CASD1: variants seen among roughly 807,000 people sequenced by gnomAD.
The protein encoded by CASD1 is N-acetylneuraminate (7)9-O-acetyltransferase.
A neutral mutation model predicts 100.0 loss-of-function variants in CASD1; 41 were observed. That is an observed-to-expected ratio of 0.41 (90% CI 0.32 to 0.53). The LOEUF (loss-of-function observed/expected upper bound fraction) is 0.53, where lower values mean the gene tolerates loss of function less well. Ranked by LOEUF, CASD1 falls within the 20% of genes least tolerant of loss-of-function variation. The probability of loss-of-function intolerance (pLI) is 0.25; values close to 1 mark genes in which losing one functional copy is unlikely to be tolerated. For missense variants in CASD1, 774 were observed against 948.7 expected (o/e 0.82, Z 2.42); for synonymous variants, 321 against 315.6 (o/e 1.02, Z -0.18).
At chr7:94,549,451 GA>G (rs1795839740) in intron 13 of CASD1, 81 bp from the exon 14 acceptor site, 1 of 958,298 alleles carries the variant, frequency 1.0e-6, no homozygotes, top group African/African-American at 1.7e-5. Context: ...CCAAACTTCA[GA>G]AAACTATAAT....
At chr7:94,569,205 T>C in the CASD1 span, among the ~76,000 whole-genome samples, 2 of 151,970 alleles carry the variant, frequency 1.3e-5, no homozygotes, top group East Asian at 1.9e-4. Context: ...TGGTAACTTA[T>C]ACTCATATTG....
At chr7:94,586,059 A>G in the CASD1 span, among the ~76,000 whole-genome samples, 1 of 119,386 alleles carries the variant, frequency 8.4e-6, no homozygotes, top group Non-Finnish European at 1.8e-5. Context: ...AAGGAACTAA[A>G]TGAAAAAAAA....
chr7:94,558,289 A>G (rs1796274034), downstream of CASD1, among the ~76,000 whole-genome samples: 1 of 152,206 alleles, frequency 6.6e-6, no homozygotes, highest in Non-Finnish European at 1.5e-5. Flanking sequence ...CATCCTGGAT[A>G]TAGTCATTGA....
At chr7:94,538,796 CTT>C (rs1229549690) in intron 9 of CASD1, among the ~76,000 whole-genome samples, 169 bp from the exon 10 acceptor site, 5 of 152,118 alleles carry the variant, frequency 3.3e-5, no homozygotes, top group African/African-American at 1.2e-4. Context: ...TTTATACTAT[CTT>C]TTAGCAAGAA....
chr7:94,623,832 C>G, the CASD1 span: 1 of 361,686 alleles, frequency 2.8e-6, no homozygotes, highest in Non-Finnish European at 4.9e-6. Context: ...TGTTTTTTTG[C>G]ATTTAGTACT....
At chr7:94,511,118 C>A (rs992737786) in intron 1 of CASD1, among the ~76,000 whole-genome samples, 1 of 152,126 alleles carries the variant, frequency 6.6e-6, no homozygotes, top group African/African-American at 2.4e-5. Context: ...AAAAATGTCA[C>A]TGGGAGAGAG....
intron 8 of CASD1, among the ~76,000 whole-genome samples, chr7:94,536,080 T>C (rs1163127510): frequency 6.6e-6 from 1 of 152,026 alleles, no homozygotes; most frequent in East Asian, 1.9e-4. Context: ...CCATCTCTAC[T>C]AAAAATACAA....
At chr7:94,619,440 A>G in the CASD1 span, 1 of 152,718 alleles carries the variant, frequency 6.5e-6, no homozygotes, top group Admixed American at 6.5e-5. Flanking sequence ...ACATTGTTGG[A>G]GATTTAGTGT....
At chr7:94,603,457 A>G in the CASD1 span, 3 of 1,612,308 alleles carry the variant, frequency 1.9e-6, no homozygotes, top group Non-Finnish European at 2.5e-6. Context: ...TAAACGCTGT[A>G]AAAATGTGAA....
chr7:94,582,910 G>A, the CASD1 span, among the ~76,000 whole-genome samples: 1 of 152,146 alleles, frequency 6.6e-6, no homozygotes, highest in Non-Finnish European at 1.5e-5. Context: ...AACATATTAG[G>A]CATTCAGTAA....
At chr7:94,530,013 G>T (rs1465532921) in intron 5 of CASD1, among the ~76,000 whole-genome samples, 2 of 152,136 alleles carry the variant, frequency 1.3e-5, no homozygotes, top group African/African-American at 4.8e-5. Context: ...CACTAAGCTA[G>T]ACACTGTTGA....
the CASD1 span, chr7:94,617,381 A>G: frequency 6.6e-6 from 1 of 152,286 alleles, no homozygotes; most frequent in South Asian, 2.1e-4. Context: ...AAACTCTACC[A>G]ATGCCTTGTT....
In CASD1 at chr7:94,535,472, C is replaced by A; in HGVS notation, c.792C>A (p.Thr264=). 6.2e-7 allele frequency: 1 copy of A among 1,613,612 alleles called. No individual in the cohort carries two copies. The highest frequency in any genetic ancestry group is 8.5e-7 in the Non-Finnish European group (1 of 1,179,794). The change falls in exon 8 of 18, where the codon ACC becomes ACA. Residue 264 remains threonine, a synonymous_variant. Coordinates refer to ENST00000297273, the MANE Select transcript of CASD1 (RefSeq NM_022900.5). ...TTTCCAAATTAATTGCTCAAGAAAC[C>A]ATCATGGAATCTTTGGATGGCTTAC... ...FSVSKLIAQE[T]IMESLDGLHL...
At chr7:94,600,778 T>A in the CASD1 span, 48 of 1,613,516 alleles carry the variant, frequency 3.0e-5, 1 homozygote, top group African/African-American at 4.0e-4. Flanking sequence ...AGAAGGGGGT[T>A]TGTATTCTCC....
chr7:94,572,091 C>T, the CASD1 span, among the ~76,000 whole-genome samples: 8 of 152,064 alleles, frequency 5.3e-5, no homozygotes, highest in African/African-American at 1.7e-4. Flanking sequence ...ATGGGATGCC[C>T]TTAACATTTT....
chr7:94,553,790 A>ATAAATAAC (rs1240665612), intron 16 of CASD1: 2 of 149,370 alleles, frequency 1.3e-5, no homozygotes, highest in Admixed American at 1.3e-4. Context: ...TAGAACTTAA[A>ATAAATAAC]TAAATAAATA....
At chr7:94,513,825 G>A (rs1244113233) in intron 1 of CASD1, among the ~76,000 whole-genome samples, 2 of 152,068 alleles carry the variant, frequency 1.3e-5, no homozygotes, top group Non-Finnish European at 2.9e-5. Flanking sequence ...GGCTTTAATT[G>A]AATTTCATGT....
chr7:94,546,263 T>A (rs1204115038), intron 12 of CASD1, among the ~76,000 whole-genome samples: 1 of 151,978 alleles, frequency 6.6e-6, no homozygotes, highest in Admixed American at 6.6e-5. Context: ...CCCAAAAGCT[T>A]GTTATTTTCT....
chr7:94,628,809 G>A, the CASD1 span: 1,317 of 168,856 alleles, frequency 7.8e-3, 26 homozygotes, highest in African/African-American at 0.03. Flanking sequence ...TTAAAACACT[G>A]GAGGATAGGA....
Sources: allele counts gnomAD v4.1 joint callset (sites outside exome capture counted in the v4.1 genomes callset), GRCh38; gene constraint gnomAD v4.1.1; transcripts MANE v1.5; gene names NCBI Gene and HGNC (gene_info 2026-07-23, HGNC 2026-07-21).